STX5: variants seen among roughly 807,000 people sequenced by gnomAD.
STX5 encodes the protein syntaxin 5, also known as syntaxin-5.
In STX5, 15 loss-of-function variants were observed where a neutral mutation model predicts 42.9. That is an observed-to-expected ratio of 0.35 (90% CI 0.23 to 0.54). STX5 has a LOEUF of 0.54. Ranked by LOEUF, STX5 falls within the 20% of genes least tolerant of loss-of-function variation. The probability of loss-of-function intolerance (pLI) is 0.91; values close to 1 mark genes in which losing one functional copy is unlikely to be tolerated. For missense variants in STX5, 430 were observed against 455.0 expected (o/e 0.95, Z 0.50); for synonymous variants, 184 against 173.2 (o/e 1.06, Z -0.49).
intron 10 of STX5, among the ~76,000 whole-genome samples, chr11:62,809,831 T>C (rs1407178303): frequency 6.6e-6 from 1 of 151,766 alleles, no homozygotes; most frequent in African/African-American, 2.4e-5. Context: ...AGGCTGAATG[T>C]GGTGGCTCAC....
intron 8 of STX5, 44 bp from the exon 9 acceptor site, chr11:62,824,609 C>T (rs1164414916): frequency 1.3e-6 from 2 of 1,593,660 alleles, no homozygotes; most frequent in Admixed American, 1.7e-5. Context: ...CAGTTAAAAG[C>T]AGGTTCAAAG....
At position 62,825,440 on chromosome 11, in the gene STX5, T is replaced by C; in HGVS notation, c.523A>G (p.Ile175Val). 6.2e-7 allele frequency: 1 copy of C among 1,614,050 alleles called. No individual in the cohort carries two copies. The highest frequency in any genetic ancestry group is 8.5e-7 in the Non-Finnish European group (1 of 1,180,020). ...GGTCCCACCTGCAAGGAGACCACAA[T>C]GGTGTTGGAGTGGGTCTGCAGGTGC... Reference protein sequence around the residue: ...GRHLQTHSNTIVVSLQSKLAS... With the variant: ...GRHLQTHSNTVVVSLQSKLAS... The change falls in exon 6 of 11, where the codon ATT becomes GTT. Residue 175 changes from isoleucine (I) to valine (V), a missense_variant. Ile to Val is a conservative substitution (Grantham distance 29, BLOSUM62 3). Transcript: ENST00000294179.
rs757226163 is a variant in STX5 at position 62,831,953 on chromosome 11, C to A, written c.-20+1G>T. ...AGATCCCCTCTTAAAGCGAATCTTA[C>A]CTCCCCTCTGCCGCCTGCCGCCGCC... On this transcript the variant is annotated splice_donor_variant, in intron 1 of 10. Coordinates refer to ENST00000294179, the MANE Select transcript of STX5 (RefSeq NM_003164.5). LOFTEE classifies it low-confidence loss of function (5UTR_SPLICE). 6.1e-5 allele frequency: 28 copies of A among 459,614 alleles called. No individual in the cohort carries two copies. The highest frequency in any genetic ancestry group is 3.2e-4 in the Middle Eastern group (1 of 3,102). The allele number at this position is 459,614 out of a possible 1,614,324, so 28.5% of individuals were successfully genotyped here.
At chr11:62,830,301 C>G (rs555272960) in intron 2 of STX5, 243 of 267,362 alleles carry the variant, frequency 9.1e-4, no homozygotes, top group Non-Finnish European at 1.7e-3. Context: ...ACATCCAACC[C>G]TAAGTGATTT....
intron 10 of STX5, among the ~76,000 whole-genome samples, chr11:62,819,456 G>A (rs2084714653): frequency 6.6e-6 from 1 of 151,546 alleles, no homozygotes; most frequent in Admixed American, 6.6e-5. Context: ...CACTGAAGAT[G>A]GTAAATATGT....
intron 2 of STX5, among the ~76,000 whole-genome samples, chr11:62,829,600 C>G (rs1264989453): frequency 6.6e-6 from 1 of 151,866 alleles, no homozygotes; most frequent in East Asian, 1.9e-4. Context: ...CCCATCTCTA[C>G]TAACAAAACA....
chr11:62,815,332 AT>A (rs1400309320), intron 10 of STX5, among the ~76,000 whole-genome samples: 1 of 151,426 alleles, frequency 6.6e-6, no homozygotes, highest in Non-Finnish European at 1.5e-5. Flanking sequence ...TATTTTATTT[AT>A]TTTTTATTTT....
chr11:62,824,385 C>A, intron 9 of STX5, 74 bp downstream of exon 9: 1 of 1,611,824 alleles, frequency 6.2e-7, no homozygotes, highest in South Asian at 1.1e-5. Flanking sequence ...GCCCATGGCA[C>A]ACTCCAAACA....
rs775898215 is a variant in STX5, at chr11:62,827,216, C to T, written c.362G>A (p.Arg121His). ...KLEKLTILAK[R>H]KSLFDDKAVE... ...TGCTTTATCATCAAAGAGGGACTTGCGCTTTGCCACTACAGAGACAAACAA... is the reference window on the plus strand; with the variant it reads ...TGCTTTATCATCAAAGAGGGACTTGTGCTTTGCCACTACAGAGACAAACAA... The change falls in exon 5 of 11, where the codon CGC becomes CAC. Residue 121 changes from arginine to histidine, a missense_variant. Transcript: ENST00000294179. 5.0e-6 allele frequency: 8 copies of T among 1,614,112 alleles called. No homozygotes were observed. The East Asian group carries it at 1.1e-4, about 22-fold the overall frequency.
At chr11:62,816,277 A>G (rs998380462) in intron 10 of STX5, among the ~76,000 whole-genome samples, 2 of 152,148 alleles carry the variant, frequency 1.3e-5, no homozygotes, top group Non-Finnish European at 2.9e-5. Context: ...TAAACTTAAA[A>G]TTTTTATTTT....
intron 10 of STX5, among the ~76,000 whole-genome samples, chr11:62,817,572 C>G (rs2084689532): frequency 2.0e-5 from 3 of 152,100 alleles, no homozygotes. Flanking sequence ...TACAATGAAA[C>G]AGGGAACTGT....
At position 62,831,106 on chromosome 11, in the gene STX5, G is replaced by A. The variant is rs1378241574; in HGVS notation, c.138C>T (p.Thr46=). ...SDIAPLPPPV[T]LVPPPPDTMS... ...TGGTGTCGGGAGGGGGAGGGACGAG[G>A]GTCACTGGGGGGGGCAGAGGGGCGA... Residue 46 remains threonine (T), a synonymous_variant, in exon 2 of 11, where the codon ACC becomes ACT. Transcript: ENST00000294179. 3 of 1,555,012 alleles carry A rather than the reference G, an allele frequency of 1.9e-6. No individual in the cohort carries two copies. Among genetic ancestry groups the A allele is most frequent in the Non-Finnish European group, 8.7e-7 (1 of 1,149,362 alleles).
chr11:62,820,332 G>A (rs1384525437), intron 10 of STX5, among the ~76,000 whole-genome samples: 7 of 149,314 alleles, frequency 4.7e-5, no homozygotes, highest in Non-Finnish European at 8.9e-5. Flanking sequence ...TCACGCGACT[G>A]CACTCCAGCC....
chr11:62,810,880 C>T (rs2084609947), intron 10 of STX5, among the ~76,000 whole-genome samples: 1 of 152,182 alleles, frequency 6.6e-6, no homozygotes, highest in Admixed American at 6.5e-5. Flanking sequence ...CTTTTATGCT[C>T]CAACATACTG....
At chr11:62,810,421 G>C (rs1053119151) in intron 10 of STX5, among the ~76,000 whole-genome samples, 3 of 152,140 alleles carry the variant, frequency 2.0e-5, no homozygotes, top group Non-Finnish European at 4.4e-5. Context: ...TAGCCTGAGT[G>C]ACAGAGTGTC....
At chr11:62,808,862 T>C (rs1022178106) in intron 10 of STX5, among the ~76,000 whole-genome samples, 2 of 152,156 alleles carry the variant, frequency 1.3e-5, no homozygotes, top group African/African-American at 4.8e-5. Context: ...TAGATTTAAT[T>C]TAACATTGAA....
At chr11:62,825,377 C>T (rs1206113068) in intron 6 of STX5, 38 bp from the exon 7 acceptor site, 2 of 1,614,070 alleles carry the variant, frequency 1.2e-6, no homozygotes, top group Admixed American at 1.7e-5. Context: ...AAAGAAGGCT[C>T]CACATTCTTC....
chr11:62,822,465 A>G (rs1435006676), intron 10 of STX5, among the ~76,000 whole-genome samples: 1 of 152,094 alleles, frequency 6.6e-6, no homozygotes, highest in Admixed American at 6.6e-5. Flanking sequence ...CCCTCTGACC[A>G]CACCTTGTAC....
rs754956162 is a variant in STX5 at position 62,807,410 on chromosome 11, C to T, written c.*59G>A. ...TGCACAGGCTCAGTGGCAGCACTGG[C>T]CACTTGCCTTCCCAGGAGGGTCCCA... On this transcript the variant is annotated 3_prime_UTR_variant, in exon 11 of 11. Transcript: ENST00000294179. 1.1e-5 allele frequency: 18 copies of T among 1,585,786 alleles called. No homozygotes were observed. The highest frequency in any genetic ancestry group is 1.5e-5 in the Non-Finnish European group (17 of 1,164,182).
Sources: allele counts gnomAD v4.1 joint callset (sites outside exome capture counted in the v4.1 genomes callset), GRCh38; gene constraint gnomAD v4.1.1; transcripts MANE v1.5; gene names NCBI Gene and HGNC (gene_info 2026-07-23, HGNC 2026-07-21).